Variants in WWOX observed in about 807,000 individuals in gnomAD.
WWOX encodes WW domain containing oxidoreductase.
In WWOX, 69 loss-of-function variants were observed where a neutral mutation model predicts 46.2. That is an observed-to-expected ratio of 1.49 (90% CI 1.23 to 1.82). WWOX has a LOEUF of 1.82. WWOX is among the 40% of genes most tolerant of loss of function. The probability of loss-of-function intolerance (pLI) is 0.00; values close to 1 mark genes in which losing one functional copy is unlikely to be tolerated. For synonymous variants in WWOX, 359 were observed against 202.6 expected (o/e 1.77, Z -6.56); for missense variants, 919 against 542.6 (o/e 1.69, Z -6.89).
At chr16:79,143,711 C>T (rs2050133089) in intron 8 of WWOX, among the ~76,000 whole-genome samples, 1 of 152,122 alleles carries the variant, frequency 6.6e-6, no homozygotes, top group Non-Finnish European at 1.5e-5. Context: ...AACCTTATAG[C>T]AGCCCTGAGG....
chr16:78,547,639 G>A (rs999402354), intron 8 of WWOX, among the ~76,000 whole-genome samples: 1 of 152,192 alleles, frequency 6.6e-6, no homozygotes, highest in Non-Finnish European at 1.5e-5. Flanking sequence ...AGGCTGGGAA[G>A]TCCAAGATCA....
intron 8 of WWOX, among the ~76,000 whole-genome samples, chr16:78,706,216 T>C (rs1162620401): frequency 6.6e-6 from 1 of 152,164 alleles, no homozygotes; most frequent in Non-Finnish European, 1.5e-5. Context: ...TTCGTGCATA[T>C]GTGTAGCTTT....
At chr16:79,180,023 A>ATGGT (rs2050878852) in intron 8 of WWOX, among the ~76,000 whole-genome samples, 1 of 151,900 alleles carries the variant, frequency 6.6e-6, no homozygotes, top group African/African-American at 2.4e-5. Flanking sequence ...CCCATAGAAG[A>ATGGT]TGGTTGTTGT....
chr16:78,148,356 T>C (rs1420868380), intron 4 of WWOX, among the ~76,000 whole-genome samples: 1 of 152,148 alleles, frequency 6.6e-6, no homozygotes, highest in Middle Eastern at 3.2e-3. Context: ...GATTGCCCTC[T>C]GAAGAACATG....
intron 8 of WWOX, among the ~76,000 whole-genome samples, chr16:78,684,780 A>T (rs974669392): frequency 1.3e-5 from 2 of 152,186 alleles, no homozygotes; most frequent in African/African-American, 4.8e-5. Context: ...GTTGTCACCT[A>T]GTTGAGCTTC....
chr16:78,841,053 C>A (rs910450615), intron 8 of WWOX, among the ~76,000 whole-genome samples: 1 of 152,164 alleles, frequency 6.6e-6, no homozygotes, highest in Middle Eastern at 3.4e-3. Flanking sequence ...CAAAGAACTG[C>A]CCTCGTCCCG....
intron 8 of WWOX, among the ~76,000 whole-genome samples, chr16:78,564,245 G>A (rs1368162758): frequency 6.6e-6 from 1 of 152,178 alleles, no homozygotes; most frequent in Admixed American, 6.5e-5. Context: ...AAAATTGAAT[G>A]GAGACAATAC....
intron 8 of WWOX, among the ~76,000 whole-genome samples, chr16:78,997,721 C>T (rs2047017763): frequency 1.3e-5 from 2 of 151,974 alleles, no homozygotes; most frequent in South Asian, 4.2e-4. Flanking sequence ...TGTATTATTC[C>T]CCTAGAAGGA....
chr16:78,386,523 C>G (rs544356703), intron 5 of WWOX, among the ~76,000 whole-genome samples: 16 of 152,234 alleles, frequency 1.1e-4, no homozygotes, highest in African/African-American at 2.6e-4. Flanking sequence ...GTCGTGCATT[C>G]CCCTCCTTAC....
At chr16:78,776,880 C>A (rs73573797) in intron 8 of WWOX, among the ~76,000 whole-genome samples, 3 of 152,126 alleles carry the variant, frequency 2.0e-5, no homozygotes, top group Non-Finnish European at 2.9e-5. Context: ...GGGGGAACCA[C>A]CCCCATCATC....
At chr16:78,800,574 C>G (rs887850073) in intron 8 of WWOX, among the ~76,000 whole-genome samples, 2 of 152,132 alleles carry the variant, frequency 1.3e-5, no homozygotes, top group African/African-American at 4.8e-5. Context: ...CAGAATCTGT[C>G]CCCACTGTGA....
In WWOX at chr16:78,457,444, G is replaced by A. The variant is rs74028012; in HGVS notation, c.1056+24692G>A. Among the ~76,000 whole-genome samples the A allele has an allele frequency of 4.9e-3, 748 of 152,276 alleles. 9 individuals carry two copies. Among genetic ancestry groups the A allele is most frequent in the African/African-American group, 0.017 (719 of 41,566 alleles). Reference sequence around the variant, plus strand: ...TCTTCCACGTACGTCCTGAGAAAGCGAAGGTGAATTTCACCAATTGGTAGG... The same window carrying A: ...TCTTCCACGTACGTCCTGAGAAAGCAAAGGTGAATTTCACCAATTGGTAGG... On this transcript the variant is annotated intron_variant, in intron 8 of 8. Transcript: ENST00000566780.
At chr16:79,108,221 G>A (rs2049347765) in intron 8 of WWOX, among the ~76,000 whole-genome samples, 1 of 152,178 alleles carries the variant, frequency 6.6e-6, no homozygotes, top group Non-Finnish European at 1.5e-5. Context: ...CATAATTCTG[G>A]CTTTGACTAG....
At chr16:78,481,414 A>C (rs1160867237) in intron 8 of WWOX, among the ~76,000 whole-genome samples, 1 of 152,108 alleles carries the variant, frequency 6.6e-6, no homozygotes, top group East Asian at 1.9e-4. Flanking sequence ...TCCTGAAATA[A>C]AAGGTTTCAT....
intron 5 of WWOX, among the ~76,000 whole-genome samples, chr16:78,301,373 T>C (rs1280570246): frequency 6.6e-6 from 1 of 152,238 alleles, no homozygotes; most frequent in Non-Finnish European, 1.5e-5. Flanking sequence ...CTGGATACTG[T>C]GTATACTACT....
intron 8 of WWOX, among the ~76,000 whole-genome samples, chr16:78,698,287 A>G (rs755917286): frequency 2.0e-4 from 30 of 152,208 alleles, no homozygotes; most frequent in Non-Finnish European, 3.8e-4. Flanking sequence ...TAGGTTTACC[A>G]CTGACCCCAT....
At chr16:78,627,280 T>A (rs569889105) in intron 8 of WWOX, among the ~76,000 whole-genome samples, 2 of 152,178 alleles carry the variant, frequency 1.3e-5, no homozygotes, top group Non-Finnish European at 2.9e-5. Context: ...CAAACCTGAT[T>A]GGCCAACTAG....
chr16:78,636,838 G>T (rs192052230), intron 8 of WWOX, among the ~76,000 whole-genome samples: 75 of 152,240 alleles, frequency 4.9e-4, no homozygotes, highest in Middle Eastern at 3.4e-3. Flanking sequence ...CTTCAGATAC[G>T]CTCTTCATGG....
intron 8 of WWOX, among the ~76,000 whole-genome samples, chr16:78,736,295 TG>T (rs1250637401): frequency 1.3e-5 from 2 of 152,138 alleles, no homozygotes; most frequent in Non-Finnish European, 2.9e-5. Context: ...GCTATCCTCA[TG>T]GGGACCTGTA....
Sources: allele counts gnomAD v4.1 joint callset (sites outside exome capture counted in the v4.1 genomes callset), GRCh38; gene constraint gnomAD v4.1.1; transcripts MANE v1.5; gene names NCBI Gene and HGNC (gene_info 2026-07-23, HGNC 2026-07-21).